MYO10: variants seen among roughly 807,000 people sequenced by gnomAD.
MYO10 encodes myosin X.
A neutral mutation model predicts 257.3 loss-of-function variants in MYO10; 133 were observed. The observed-to-expected ratio is 0.52, with a 90% CI of 0.45 to 0.60. The LOEUF is 0.60. Ranked by LOEUF, MYO10 falls within the 20% of genes least tolerant of loss-of-function variation. The probability of loss-of-function intolerance (pLI) is 0.00; values close to 1 mark genes in which losing one functional copy is unlikely to be tolerated. For missense variants in MYO10, 2,399 were observed against 2,635.7 expected, an observed-to-expected ratio of 0.91 and a Z score of 1.97; for synonymous variants, 1,104 against 1,028.6, an observed-to-expected ratio of 1.07 and a Z score of -1.40.
chr5:16,877,426 T>C (rs573383637), intron 2 of MYO10, among the ~76,000 whole-genome samples, 183 bp downstream of exon 2: 1 of 152,348 alleles, frequency 6.6e-6, no homozygotes, highest in East Asian at 1.9e-4. Context: ...TTGAGAGAAC[T>C]GTATTGTATC....
At chr5:16,858,081 A>C (rs1318164653) in intron 2 of MYO10, among the ~76,000 whole-genome samples, 2 of 152,220 alleles carry the variant, frequency 1.3e-5, no homozygotes, top group African/African-American at 4.8e-5. Flanking sequence ...GCAGGGACAA[A>C]GACCATAGCA....
At chr5:16,897,765 G>A (rs563662105) in intron 1 of MYO10, among the ~76,000 whole-genome samples, 1 of 152,342 alleles carries the variant, frequency 6.6e-6, no homozygotes, top group South Asian at 2.1e-4. Flanking sequence ...TAGCGTGATT[G>A]TAGGGGGGCA....
At chr5:16,751,479 C>T (rs574754192) in intron 19 of MYO10, among the ~76,000 whole-genome samples, 2 of 151,928 alleles carry the variant, frequency 1.3e-5, no homozygotes, top group East Asian at 1.9e-4. Context: ...TTGCTGAGTG[C>T]CTTTATTTTT....
intron 3 of MYO10, among the ~76,000 whole-genome samples, chr5:16,803,664 G>A (rs1463424641): frequency 6.6e-6 from 1 of 152,032 alleles, no homozygotes; most frequent in African/African-American, 2.4e-5. Context: ...AGATTTAATT[G>A]GAACCAAAAC....
rs755836556 is a variant in MYO10, at chr5:16,780,535, T to A, written c.815A>T (p.His272Leu). 4.4e-6 allele frequency: 7 copies of A among 1,579,730 alleles called. No individual in the cohort carries two copies. In the Admixed American group the frequency reaches 1.3e-4, roughly 29 times the overall value. The change falls in exon 8 of 41, where the codon CAT (histidine) becomes CTT (leucine). Residue 272 changes from histidine to leucine, a missense_variant. Coordinates refer to ENST00000513610, the MANE Select transcript of MYO10 (RefSeq NM_012334.3). ...GTCGTCCCACTCACCTCTTTCTTCA[T>A]GTTCCAGCCCTGCCAGCAGTGCATA... ...IFYALLAGLE[H>L]EEREEFYLST...
intron 1 of MYO10, among the ~76,000 whole-genome samples, chr5:16,914,389 T>TA (rs1321670363): frequency 2.0e-5 from 3 of 152,184 alleles, no homozygotes; most frequent in African/African-American, 4.8e-5. Flanking sequence ...AGCCCATTCT[T>TA]ATAAGAACCT....
chr5:16,666,850 C>A, intron 40 of MYO10, 57 bp from the exon 41 acceptor site: 1 of 1,384,720 alleles, frequency 7.2e-7, no homozygotes, highest in Non-Finnish European at 9.9e-7. Flanking sequence ...AGGCAAAGGG[C>A]CCTGCCTAAT....
Position 16,770,607 on chromosome 5 carries a change from G to A in MYO10, c.931-1404C>T, listed in dbSNP as rs762099933. On this transcript the variant is annotated intron_variant, in intron 9 of 40. Coordinates refer to ENST00000513610, the MANE Select transcript of MYO10 (RefSeq NM_012334.3). ...TACACACAAACTTGGGGGCAGACTT[G>A]TTGGCAATATCGATGAAAATGACCT... Among the ~76,000 whole-genome samples, 3 of 152,186 alleles carry A rather than the reference G, an allele frequency of 2.0e-5. No homozygotes were observed. In the East Asian group the frequency reaches 5.8e-4, roughly 29 times the overall value.
chr5:16,701,315 TCG>T lies in MYO10; in HGVS notation c.3078_3079del (p.Ser1026ArgfsTer2). The T allele has an allele frequency of 6.2e-7, 1 of 1,613,864 alleles. No individual in the cohort carries two copies. The highest frequency in any genetic ancestry group is 8.5e-7 in the Non-Finnish European group (1 of 1,179,816). On this transcript the variant is annotated frameshift_variant, in exon 25 of 41. Coordinates refer to ENST00000513610, the MANE Select transcript of MYO10 (RefSeq NM_012334.3). LOFTEE classifies it high-confidence loss of function. This position sits in a 1 kb window ranked among gnomAD's most constrained non-coding sequence, Gnocchi z 8.1. ...GTATGGGTCCTCCTCTGAAGAGTCA[TCG>T]CTGGTCCGGATGCCACTTGTTCGCT...
chr5:16,743,111 A>C (rs562070802), intron 19 of MYO10, among the ~76,000 whole-genome samples: 1 of 151,862 alleles, frequency 6.6e-6, no homozygotes, highest in South Asian at 2.1e-4. Context: ...CAAGAACAAA[A>C]CTCCACCACA....
intron 9 of MYO10, among the ~76,000 whole-genome samples, chr5:16,778,386 G>T (rs1430427630): frequency 6.6e-6 from 1 of 152,176 alleles, no homozygotes; most frequent in African/African-American, 2.4e-5. Flanking sequence ...AGGGCTGGAT[G>T]ATACCTTAAC....
chr5:16,771,347 T>A (rs1026610460), intron 9 of MYO10, among the ~76,000 whole-genome samples: 7 of 152,002 alleles, frequency 4.6e-5, no homozygotes, highest in African/African-American at 1.7e-4. Flanking sequence ...TATAAATTAG[T>A]ATAATCTTTT....
intron 1 of MYO10, among the ~76,000 whole-genome samples, chr5:16,906,956 A>G (rs1381343785): frequency 6.6e-6 from 1 of 152,074 alleles, no homozygotes; most frequent in East Asian, 1.9e-4. Context: ...TACTAAAAAT[A>G]CAAAAAAATT....
intron 19 of MYO10, among the ~76,000 whole-genome samples, chr5:16,739,924 G>A (rs1031360244): frequency 2.0e-5 from 3 of 152,168 alleles, no homozygotes; most frequent in African/African-American, 7.2e-5. Flanking sequence ...ATCTAATGCG[G>A]TGGTGTTTTT....
rs1194135968 is a variant in MYO10 at position 16,701,381 on chromosome 5, T to A, written c.3014A>T (p.Lys1005Met). 1.2e-6 allele frequency: 2 copies of A among 1,614,022 alleles called. No homozygotes were observed. Among genetic ancestry groups the A allele is most frequent in the Admixed American group, 3.3e-5 (2 of 60,030 alleles). ...EGFEADDDAF[K>M]DSPNPSEHGH... Reference sequence around the variant, plus strand: ...GTGCTCGCTGGGGTTGGGGGAGTCCTTGAAGGCGTCGTCGTCGGCTTCGAA... The same window carrying A: ...GTGCTCGCTGGGGTTGGGGGAGTCCATGAAGGCGTCGTCGTCGGCTTCGAA... Residue 1005 changes from lysine (K) to methionine (M), a missense_variant, in exon 25 of 41, where the codon AAG becomes ATG. Lys to Met is a moderately conservative substitution (Grantham distance 95). Around this residue, in one of 3 missense-constraint regions of MYO10, gnomAD observed 1,820 missense variants for 1,939.4 expected, o/e 0.94. Coordinates refer to ENST00000513610, the MANE Select transcript of MYO10 (RefSeq NM_012334.3). This position sits in a 1 kb window ranked among gnomAD's most constrained non-coding sequence, Gnocchi z 8.1.
At chr5:16,697,153 G>A (rs1391897215) in intron 26 of MYO10, among the ~76,000 whole-genome samples, 2 of 152,010 alleles carry the variant, frequency 1.3e-5, no homozygotes, top group African/African-American at 4.8e-5. Flanking sequence ...AAACCTTCTA[G>A]GGGTTTCATG....
intron 19 of MYO10, among the ~76,000 whole-genome samples, chr5:16,711,973 A>AT (rs1036274205): frequency 6.6e-6 from 1 of 151,654 alleles, no homozygotes; most frequent in Non-Finnish European, 1.5e-5. Flanking sequence ...TTTAAAATCT[A>AT]TTTTTTCTGC....
intron 19 of MYO10, among the ~76,000 whole-genome samples, chr5:16,750,193 G>A (rs1397416782): frequency 6.6e-6 from 1 of 152,150 alleles, no homozygotes; most frequent in Non-Finnish European, 1.5e-5. Context: ...GCGTCTCTCG[G>A]GAAGCAGGCT....
rs771686459 is a variant in MYO10 at position 16,681,961 on chromosome 5, C to T, written c.4099G>A (p.Asp1367Asn). 11 of 1,613,872 alleles carry T rather than the reference C, an allele frequency of 6.8e-6. No homozygotes were observed. The highest frequency in any genetic ancestry group is 2.2e-5 in the East Asian group (1 of 44,870). ...CAGTGGTGCATCTCCTCCGGCGTGTCGGCGTTGCAGTGCAGCACCCGGTTG... is the reference window on the plus strand; with the variant it reads ...CAGTGGTGCATCTCCTCCGGCGTGTTGGCGTTGCAGTGCAGCACCCGGTTG... ...TANRVLHCNA[D>N]TPEEMHHWIT... The change falls in exon 31 of 41, where the codon GAC (aspartate) becomes AAC (asparagine). Residue 1367 changes from aspartate (D) to asparagine (N), a missense_variant. Physicochemically the swap from Asp to Asn is conservative, Grantham distance 23 (BLOSUM62 1). This residue lies in a region of MYO10 where 1,820 missense variants were observed against 1,939.4 expected (regional missense o/e 0.94). Coordinates refer to ENST00000513610, the MANE Select transcript of MYO10 (RefSeq NM_012334.3).
Sources: allele counts gnomAD v4.1 joint callset (sites outside exome capture counted in the v4.1 genomes callset), GRCh38; gene constraint gnomAD v4.1.1; regional missense constraint gnomAD v4.1.1; non-coding constraint Gnocchi (gnomAD v3.1); transcripts MANE v1.5; gene names NCBI Gene and HGNC (gene_info 2026-07-23, HGNC 2026-07-21).